SLC39A1: variants seen among roughly 807,000 people sequenced by gnomAD.
SLC39A1 encodes zinc transporter ZIP1.
In SLC39A1, 17 loss-of-function variants were observed where a neutral mutation model predicts 21.4. That is an observed-to-expected ratio of 0.79 (90% CI 0.54 to 1.19). SLC39A1 has a LOEUF of 1.19. SLC39A1 is among the 50% of genes most tolerant of loss of function. SLC39A1 has a pLI of 0.00. For synonymous variants in SLC39A1, 183 were observed against 185.9 expected (o/e 0.98, Z 0.13); for missense variants, 343 against 399.8 (o/e 0.86, Z 1.21).
Position 153,961,608 on chromosome 1 carries a change from C to T in SLC39A1, c.318+612G>A, listed in dbSNP as rs1442083959. On this transcript the variant is annotated intron_variant, in intron 3 of 3. Transcript: ENST00000356205. ...ATATCACAGGACATTCAGGCTTATA[C>T]GCAGTCACACGGAAACACAGGTCAC... 4.6e-5 allele frequency among the ~76,000 whole-genome samples: 7 copies of T among 152,188 alleles called. 1 individual carries two copies. The South Asian group carries it at 6.2e-4, about 13-fold the overall frequency.
Position 153,960,600 on chromosome 1 carries a change from T to A in SLC39A1, c.473A>T (p.His158Leu). The A allele has an allele frequency of 6.2e-7, 1 of 1,614,226 alleles. No homozygotes were observed. ...TGGGACCCCTGGCCCATCATGCCAA[T>A]GCTGCGGCCCACCATTCACTGTTCC... ...LLGTVNGGPQ[H>L]WHDGPGVPQA... The change falls in exon 4 of 4, where the codon CAT becomes CTT. Residue 158 changes from histidine to leucine, a missense_variant. By Grantham distance (99) the His-to-Leu change is moderately conservative. Coordinates refer to ENST00000356205, the MANE Select transcript of SLC39A1 (RefSeq NM_001271958.2).
At position 153,962,248 on chromosome 1, in the gene SLC39A1, T is replaced by C. The variant is rs1428128474; in HGVS notation, c.290A>G (p.Asp97Gly). 6 of 1,613,994 alleles carry C rather than the reference T, an allele frequency of 3.7e-6. No individual in the cohort carries two copies. The highest frequency in any genetic ancestry group is 5.1e-6 in the Non-Finnish European group (6 of 1,179,986). Residue 97 changes from aspartate to glycine, a missense_variant, in exon 3 of 4, where the codon GAT becomes GGT. Transcript: ENST00000356205. ...DLLPDYLAAI[D>G]EALAALHVTL... ...CACGTGCAAGGCTGCCAGGGCCTCA[T>C]CTATGGCAGCCAGGTAGTCAGGCAG...
At position 153,960,313 on chromosome 1, in the gene SLC39A1, TG is replaced by T; in HGVS notation, c.759del (p.Ile254SerfsTer22). ...GILFSCMTPL[G>X]IGLGAALAES... ...TCTGCCAGAGCTGCACCCAGCCCGA[TG>T]CCTAGAGGTGTCATGCATGAGAAGA... On this transcript the variant is annotated frameshift_variant, in exon 4 of 4. Coordinates refer to ENST00000356205, the MANE Select transcript of SLC39A1 (RefSeq NM_001271958.2). LOFTEE classifies it high-confidence loss of function. The T allele has an allele frequency of 6.2e-7, 1 of 1,614,042 alleles. No homozygotes were observed. Among genetic ancestry groups the T allele is most frequent in the Non-Finnish European group, 8.5e-7 (1 of 1,180,032 alleles).
At chr1:153,961,101 C>A (rs1647406114) in intron 3 of SLC39A1, among the ~76,000 whole-genome samples, 2 of 152,034 alleles carry the variant, frequency 1.3e-5, no homozygotes, top group African/African-American at 4.8e-5. Flanking sequence ...CATGGTGAAA[C>A]CCTGTCTCTA....
chr1:153,967,104 C>A (rs1647833663), upstream of SLC39A1, among the ~76,000 whole-genome samples: 1 of 152,214 alleles, frequency 6.6e-6, no homozygotes, highest in South Asian at 2.1e-4. Flanking sequence ...TTCCCGGTAA[C>A]TGTATGCAAA....
Position 153,960,455 on chromosome 1 carries a change from C to T in SLC39A1, c.618G>A (p.Arg206=). 1.2e-6 allele frequency: 2 copies of T among 1,613,758 alleles called. No individual in the cohort carries two copies. Among genetic ancestry groups the T allele is most frequent in the Non-Finnish European group, 1.7e-6 (2 of 1,179,990 alleles). Reference sequence around the variant, plus strand: ...GCAAAGCCAGGCACAGCTCCATGGCCCGAGCCCGGTCTCGCTGCAGCCCTA... The same window carrying T: ...GCAAAGCCAGGCACAGCTCCATGGCTCGAGCCCGGTCTCGCTGCAGCCCTA... The part of the protein sequence containing the change: ...LAVGLQRDRA[R]AMELCLALLL... Residue 206 remains arginine (R), a synonymous_variant, in exon 4 of 4, where the codon CGG becomes CGA. Coordinates refer to ENST00000356205, the MANE Select transcript of SLC39A1 (RefSeq NM_001271958.2).
upstream of SLC39A1, among the ~76,000 whole-genome samples, chr1:153,963,885 A>G (rs181061644): frequency 1.1e-3 from 175 of 152,342 alleles, no homozygotes; most frequent in African/African-American, 3.6e-3. Flanking sequence ...CCACATCTGA[A>G]AACATCTTCC....
At chr1:153,962,487 A>G (rs371731583) in intron 2 of SLC39A1, 42 bp downstream of exon 2, 6 of 1,591,958 alleles carry the variant, frequency 3.8e-6, no homozygotes, top group South Asian at 1.1e-5. Flanking sequence ...GCCCTCCCTA[A>G]GCCAAGCATT....
chr1:153,959,638 A>G lies in SLC39A1; in HGVS notation c.*460T>C, dbSNP rs1647237012. ...AGATGGGAGGAGGGAGATAGGTATG[A>G]GGGTAGGCGCTAAGAAGAGTAGGAG... On this transcript the variant is annotated 3_prime_UTR_variant, in exon 4 of 4. Transcript: ENST00000356205. 8.1e-6 allele frequency: 2 copies of G among 245,642 alleles called. No individual in the cohort carries two copies. The highest frequency in any genetic ancestry group is 1.5e-4 in the East Asian group (2 of 13,246). The allele number at this position is 245,642 out of a possible 1,614,324, so 15.2% of individuals were successfully genotyped here.
intron 3 of SLC39A1, among the ~76,000 whole-genome samples, chr1:153,961,224 C>T (rs1313768658): frequency 4.6e-5 from 7 of 152,124 alleles, no homozygotes; most frequent in Admixed American, 1.3e-4. Flanking sequence ...TGCAGTGAGT[C>T]GAGATTGTGC....
Position 153,962,524 on chromosome 1 carries a change from C to T in SLC39A1, c.187+5G>A. The stretch of plus-strand genomic sequence containing the variant: ...ATAGCAGTGTGGGGAAAAGGAGAGG[C>T]TTACCTGAGCCTTCATGGTTAGCTC... On this transcript the variant is annotated splice_donor_5th_base_variant and intron_variant, in intron 2 of 3. Coordinates refer to ENST00000356205, the MANE Select transcript of SLC39A1 (RefSeq NM_001271958.2). 1.2e-6 allele frequency: 2 copies of T among 1,610,138 alleles called. No individual in the cohort carries two copies. Among genetic ancestry groups the T allele is most frequent in the South Asian group, 1.1e-5 (1 of 90,674 alleles).
chr1:153,960,227 G>C lies in SLC39A1; in HGVS notation c.846C>G (p.Thr282=). 1 of 1,614,218 alleles carries C rather than the reference G, an allele frequency of 6.2e-7. No homozygotes were observed. Among genetic ancestry groups the C allele is most frequent in the Non-Finnish European group, 8.5e-7 (1 of 1,180,052 alleles). The change falls in exon 4 of 4, where the codon ACC becomes ACG. Residue 282 remains threonine, a synonymous_variant. Coordinates refer to ENST00000356205, the MANE Select transcript of SLC39A1 (RefSeq NM_001271958.2). ...TTTCCAGAAAGGTGATATAGAGAAA[G>C]GTGCCAGCTGCCATGCCCTCTAGCA... The part of the protein sequence containing the change: ...QSVLEGMAAG[T]FLYITFLEIL...
chr1:153,959,833 G>A lies in SLC39A1; in HGVS notation c.*265C>T, dbSNP rs910408909. On this transcript the variant is annotated 3_prime_UTR_variant, in exon 4 of 4. Coordinates refer to ENST00000356205, the MANE Select transcript of SLC39A1 (RefSeq NM_001271958.2). ...TCCAACCTCTGATTCTAGCAGTCAA[G>A]TGTCTTCCCCAATCCTAATGTCCCC... 1.3e-5 allele frequency: 6 copies of A among 461,238 alleles called. No individual in the cohort carries two copies. The highest frequency in any genetic ancestry group is 2.4e-5 in the Non-Finnish European group (6 of 255,262). The allele number at this position is 461,238 out of a possible 1,614,324, so 28.6% of individuals were successfully genotyped here.
upstream of SLC39A1, chr1:153,967,309 A>T (rs1014619584): frequency 2.0e-5 from 3 of 152,212 alleles, no homozygotes; most frequent in Non-Finnish European, 4.4e-5. Context: ...TCACCGCTCC[A>T]CTGGGGTCAG....
upstream of SLC39A1, among the ~76,000 whole-genome samples, chr1:153,966,171 A>G (rs528189489): frequency 6.6e-6 from 1 of 152,258 alleles, no homozygotes; most frequent in East Asian, 1.9e-4. Context: ...GCTCTGCATC[A>G]ATCTAGGAAG....
chr1:153,959,955 A>C lies in SLC39A1; in HGVS notation c.*143T>G. On this transcript the variant is annotated 3_prime_UTR_variant, in exon 4 of 4. Transcript: ENST00000356205. ...CCTCTCATTAGTCAGATAGCCCCAA[A>C]GGCTCTATCTTTAGCTCCCAGAGAA... 1.1e-6 allele frequency: 1 copy of C among 918,404 alleles called. No homozygotes were observed. The highest frequency in any genetic ancestry group is 1.6e-6 in the Non-Finnish European group (1 of 613,156). The allele number at this position is 918,404 out of a possible 1,614,324, so 56.9% of individuals were successfully genotyped here. A position where few individuals can be genotyped will look rare whatever the true frequency, so the allele number is the denominator to read the frequency against.
Position 153,962,593 on chromosome 1 carries a change from G to T in SLC39A1, c.123C>A (p.Thr41=). 8.1e-6 allele frequency: 13 copies of T among 1,613,726 alleles called. No homozygotes were observed. Among genetic ancestry groups the T allele is most frequent in the Non-Finnish European group, 8.5e-6 (10 of 1,179,944 alleles). Residue 41 remains threonine, a synonymous_variant, in exon 2 of 4, where the codon ACC becomes ACA. Coordinates refer to ENST00000356205, the MANE Select transcript of SLC39A1 (RefSeq NM_001271958.2). The part of the protein sequence containing the change: ...LGALVLLLVL[T]LLCSLVPICV... ...AGATGGGCACCAGGCTGCAGAGGAG[G>T]GTGAGCACCAGCAGCAGCACCAGGG...
upstream of SLC39A1, chr1:153,966,643 G>A (rs909925492): frequency 2.0e-5 from 3 of 150,912 alleles, no homozygotes; most frequent in Admixed American, 2.0e-4. Flanking sequence ...AAACAAACTT[G>A]TCAGCTCCAT....
At chr1:153,963,042 C>T in intron 1 of SLC39A1, 1 of 250,460 alleles carries the variant, frequency 4.0e-6, no homozygotes, top group Non-Finnish European at 7.6e-6. Flanking sequence ...AAACTAGGAG[C>T]CGCCTCCAAA....
Sources: gnomAD v4.1 joint callset for allele counts (sites outside exome capture counted in the v4.1 genomes callset) on GRCh38, gnomAD v4.1.1 for gene constraint, MANE v1.5 for transcripts, NCBI Gene and HGNC (gene_info 2026-07-23, HGNC 2026-07-21) for gene names.